PTPRQ: variants seen among roughly 807,000 people sequenced by gnomAD.
PTPRQ encodes the protein protein tyrosine phosphatase receptor type Q.
In PTPRQ, 199 loss-of-function variants were observed where a neutral mutation model predicts 246.0. The ratio of observed to expected loss-of-function variants is 0.81; its 90% CI spans 0.72 to 0.91. PTPRQ has a LOEUF of 0.91. Ranked by LOEUF, PTPRQ falls within the 40% of genes least tolerant of loss-of-function variation. The pLI is 0.00. For missense variants in PTPRQ, 2,624 were observed against 2,528.4 expected (o/e 1.04, Z -0.81); for synonymous variants, 869 against 853.2 (o/e 1.02, Z -0.32).
Position 80,542,331 on chromosome 12 carries a change from T to C in PTPRQ, c.3688T>C (p.Ser1230Pro). Residue 1230 changes from serine to proline, a missense_variant, in exon 22 of 45, where the codon TCC (serine) becomes CCC (proline). Physicochemically the swap from Ser to Pro is moderately conservative, Grantham distance 74. Coordinates refer to ENST00000644991, the MANE Select transcript of PTPRQ (RefSeq NM_001145026.2). ...AAGAACTAGAAAAGGACTTGGTCCT[T>C]CCAGTATTCTTTTCTTTTACACAGA... ...AARTRKGLGP[S>P]SILFFYTDES... 4 of 1,545,240 alleles carry C rather than the reference T, an allele frequency of 2.6e-6. No homozygotes were observed. Among genetic ancestry groups the C allele is most frequent in the Non-Finnish European group, 3.5e-6 (4 of 1,145,470 alleles).
chr12:80,563,192 C>A (rs1391917345), intron 25 of PTPRQ, among the ~76,000 whole-genome samples: 2 of 152,138 alleles, frequency 1.3e-5, no homozygotes, highest in Non-Finnish European at 2.9e-5. Flanking sequence ...AACTTTATTT[C>A]TTACAGTCTG....
chr12:80,593,467 A>G (rs1047085476), intron 26 of PTPRQ, among the ~76,000 whole-genome samples: 2 of 152,156 alleles, frequency 1.3e-5, no homozygotes, highest in Non-Finnish European at 2.9e-5. Context: ...GTACACCTGT[A>G]AAACAGAATA....
chr12:80,472,794 T>G (rs1350176357), intron 8 of PTPRQ, among the ~76,000 whole-genome samples: 2 of 152,210 alleles, frequency 1.3e-5, no homozygotes, highest in Non-Finnish European at 2.9e-5. Context: ...TAAACATCAT[T>G]GTTTTAGGTG....
intron 25 of PTPRQ, among the ~76,000 whole-genome samples, chr12:80,577,295 A>G (rs1350305585): frequency 1.3e-5 from 2 of 152,238 alleles, no homozygotes; most frequent in African/African-American, 4.8e-5. Context: ...AGTCATGGCA[A>G]AAAGGGAACC....
chr12:80,616,326 C>A, intron 30 of PTPRQ, 60 bp downstream of exon 30: 4 of 1,407,942 alleles, frequency 2.8e-6, no homozygotes, highest in Non-Finnish European at 3.7e-6. Flanking sequence ...AATTTAAATT[C>A]CATACTTGAA....
chr12:80,646,151 G>A (rs1247211827), intron 35 of PTPRQ, among the ~76,000 whole-genome samples: 2 of 152,108 alleles, frequency 1.3e-5, no homozygotes, highest in African/African-American at 4.8e-5. Flanking sequence ...GGAGCAGCTT[G>A]AGATGAACAA....
chr12:80,618,994 G>T (rs1898872556), intron 30 of PTPRQ, among the ~76,000 whole-genome samples: 1 of 151,508 alleles, frequency 6.6e-6, no homozygotes, highest in East Asian at 1.9e-4. Context: ...GTGCTAGTAT[G>T]ACTAGAACAG....
At chr12:80,601,422 T>C (rs951279424) in intron 26 of PTPRQ, among the ~76,000 whole-genome samples, 6 of 151,960 alleles carry the variant, frequency 3.9e-5, no homozygotes, top group Middle Eastern at 3.4e-3. Flanking sequence ...CTTGATCACC[T>C]GTATGAGCTT....
intron 8 of PTPRQ, among the ~76,000 whole-genome samples, chr12:80,478,865 A>G (rs1196172394): frequency 1.3e-5 from 2 of 152,200 alleles, no homozygotes; most frequent in East Asian, 1.9e-4. Flanking sequence ...TCCAAGAAAT[A>G]TGGGACTATG....
chr12:80,575,851 AAAAAAAG>A (rs1199497480), intron 25 of PTPRQ, among the ~76,000 whole-genome samples: 7 of 151,174 alleles, frequency 4.6e-5, no homozygotes, highest in South Asian at 2.1e-4. Flanking sequence ...AAAAAAAAAA[AAAAAAAG>A]AAAAAAGAAA....
intron 38 of PTPRQ, among the ~76,000 whole-genome samples, chr12:80,654,782 C>T (rs1428556881): frequency 1.3e-5 from 2 of 151,792 alleles, no homozygotes; most frequent in Non-Finnish European, 2.9e-5. Flanking sequence ...CTTGCTTGAA[C>T]CTGGGAGGCA....
intron 6 of PTPRQ, among the ~76,000 whole-genome samples, chr12:80,465,962 CT>C (rs1422655795): frequency 2.0e-5 from 3 of 152,174 alleles, no homozygotes; most frequent in Non-Finnish European, 4.4e-5. Flanking sequence ...GGGATGCCCC[CT>C]CTCACCACTC....
rs1900896282 is a variant in PTPRQ at position 80,669,420 on chromosome 12, G to A, written c.6409G>A (p.Asp2137Asn). Residue 2137 changes from aspartate (D) to asparagine (N), a missense_variant, in exon 41 of 45, where the codon GAT (aspartate) becomes AAT (asparagine). By Grantham distance (23) the Asp-to-Asn change is conservative (BLOSUM62 1). Coordinates refer to ENST00000644991, the MANE Select transcript of PTPRQ (RefSeq NM_001145026.2). The stretch of plus-strand genomic sequence containing the variant: ...TATAGTGATTACAAAGCTAATGGAG[G>A]ATGTTCAAATAGATTGGACTATCAG... ...GDIVITKLME[D>N]VQIDWTIRDL... 6.5e-7 allele frequency: 1 copy of A among 1,548,642 alleles called. No individual in the cohort carries two copies. Among genetic ancestry groups the A allele is most frequent in the Non-Finnish European group, 8.7e-7 (1 of 1,145,534 alleles).
At chr12:80,660,345 A>G (rs1393016131) in intron 39 of PTPRQ, among the ~76,000 whole-genome samples, 7 of 152,050 alleles carry the variant, frequency 4.6e-5, no homozygotes, top group Non-Finnish European at 8.8e-5. Flanking sequence ...AACTAGGTTA[A>G]CATGCCAATG....
chr12:80,541,322 A>T (rs1419984484), intron 20 of PTPRQ, among the ~76,000 whole-genome samples: 1 of 152,094 alleles, frequency 6.6e-6, no homozygotes, highest in African/African-American at 2.4e-5. Flanking sequence ...AGAGAATATT[A>T]TAGAAACAAT....
In PTPRQ at chr12:80,468,721, C is replaced by A. The variant is rs1360282986; in HGVS notation, c.922C>A (p.Pro308Thr). 6.5e-7 allele frequency: 1 copy of A among 1,539,302 alleles called. No homozygotes were observed. Among genetic ancestry groups the A allele is most frequent in the Non-Finnish European group, 8.8e-7 (1 of 1,142,394 alleles). ...TATAATTATTTTAGTGCCTGAAGGA[C>A]CACCACAAAACTGCGTAACAGGCAA... ...VRTPESVPEGPPQNCVTGNIT... is the reference protein window; with the variant it reads ...VRTPESVPEGTPQNCVTGNIT... The change falls in exon 7 of 45, where the codon CCA (proline) becomes ACA (threonine). Residue 308 changes from proline to threonine, a missense_variant. By Grantham distance (38) the Pro-to-Thr change is conservative. Coordinates refer to ENST00000644991, the MANE Select transcript of PTPRQ (RefSeq NM_001145026.2).
chr12:80,560,812 C>T (rs1421729579), intron 25 of PTPRQ, among the ~76,000 whole-genome samples: 1 of 152,002 alleles, frequency 6.6e-6, no homozygotes, highest in Non-Finnish European at 1.5e-5. Flanking sequence ...CTGTTTATTG[C>T]ATAAGATAAA....
At chr12:80,649,016 A>G in intron 36 of PTPRQ, 93 bp downstream of exon 36, 4 of 1,252,268 alleles carry the variant, frequency 3.2e-6, no homozygotes. Flanking sequence ...CACTTTTTGT[A>G]TGTTTGTTGG....
chr12:80,607,705 C>A (rs1472633584), intron 27 of PTPRQ, among the ~76,000 whole-genome samples: 3 of 150,794 alleles, frequency 2.0e-5, no homozygotes, highest in Admixed American at 1.3e-4. Flanking sequence ...CTGTCTTCTA[C>A]AAAATACTAG....
Sources: gnomAD v4.1 joint callset for allele counts (sites outside exome capture counted in the v4.1 genomes callset) on GRCh38, gnomAD v4.1.1 for gene constraint, MANE v1.5 for transcripts, NCBI Gene and HGNC (gene_info 2026-07-23, HGNC 2026-07-21) for gene names.